Variants in LTBP3 observed in about 807,000 individuals in gnomAD.
LTBP3 encodes the protein latent-transforming growth factor beta-binding protein 3.
Under a neutral mutation model 159.7 loss-of-function variants are expected in LTBP3, and 97 were observed. That is an observed-to-expected ratio of 0.61 (90% confidence interval 0.52 to 0.72). The LOEUF (loss-of-function observed/expected upper bound fraction) is 0.72. LTBP3 is among the 30% of genes least tolerant of loss of function. LTBP3 has a pLI of 0.00. For synonymous variants in LTBP3, 824 were observed against 777.1 expected (o/e 1.06, Z -1.00); for missense variants, 1,584 against 1,864.3 (o/e 0.85, Z 2.77).
chr11:65,543,829 C>T (rs1389939021), intron 16 of LTBP3: 2 of 497,010 alleles, frequency 4.0e-6, no homozygotes, highest in Non-Finnish European at 7.4e-6. Flanking sequence ...ACCCTTCCCT[C>T]ACCTGCCATG....
rs201987018 is a variant in LTBP3 at position 65,553,701 on chromosome 11, C to T, written c.864G>A (p.Pro288=). The change falls in exon 3 of 28, where the codon CCG becomes CCA. Residue 288 remains proline (P), a splice_region_variant and synonymous_variant. Coordinates refer to ENST00000301873, the MANE Select transcript of LTBP3 (RefSeq NM_001130144.3). This position sits in a 1 kb window ranked among gnomAD's most constrained non-coding sequence, Gnocchi z 6.5. ...AGATCCCGACTGTGGATTCACTCAC[C>T]GGCTGCTTGGGCAGAGTGTCCTGAA... ...RCFQDTLPKQ[P]CGSNPLPGLT... 2.5e-6 allele frequency: 4 copies of T among 1,574,856 alleles called. No homozygotes were observed. The highest frequency in any genetic ancestry group is 1.1e-5 in the South Asian group (1 of 87,558).
In LTBP3 at chr11:65,538,992, A is replaced by C. The variant is rs1266448478; in HGVS notation, c.*88T>G. The stretch of plus-strand genomic sequence containing the variant: ...CGGGCCCTGAAGGTCCCTGGGTCCG[A>C]GCCACAAGTCGGGGCAGAAGTGAGG... On this transcript the variant is annotated 3_prime_UTR_variant, in exon 28 of 28. Coordinates refer to ENST00000301873, the MANE Select transcript of LTBP3 (RefSeq NM_001130144.3). 1 of 1,316,824 alleles carries C rather than the reference A, an allele frequency of 7.6e-7. No individual in the cohort carries two copies. The highest frequency in any genetic ancestry group is 9.7e-7 in the Non-Finnish European group (1 of 1,034,194). The allele number at this position is 1,316,824 out of a possible 1,614,324, so 81.6% of individuals were successfully genotyped here.
chr11:65,546,312 A>G lies in LTBP3; in HGVS notation c.2353+130T>C. The G allele has an allele frequency of 8.3e-7, 1 of 1,199,502 alleles. No homozygotes were observed. Among genetic ancestry groups the G allele is most frequent in the Non-Finnish European group, 1.1e-6 (1 of 896,286 alleles). 74.3% of individuals were successfully genotyped at this position (1,199,502 alleles called of 1,614,324 possible). On this transcript the variant is annotated intron_variant, in intron 16 of 27. Coordinates refer to ENST00000301873, the MANE Select transcript of LTBP3 (RefSeq NM_001130144.3). The surrounding 1 kb of genome is among the most constrained non-coding windows in gnomAD (Gnocchi z 4.0). ...TTCCTTGGCAAAGTTCGTTGAGAAA[A>G]TGAGTGAGCAGAGTCACCTGGGGAT...
chr11:65,554,074 C>T lies in LTBP3; in HGVS notation c.638G>A (p.Gly213Asp), dbSNP rs1856718153. 1 of 1,605,804 alleles carries T rather than the reference C, an allele frequency of 6.2e-7. No homozygotes were observed. Among genetic ancestry groups the T allele is most frequent in the South Asian group, 1.1e-5 (1 of 91,076 alleles). Residue 213 changes from glycine to aspartate, a missense_variant, in exon 2 of 28, where the codon GGC becomes GAC. Physicochemically the swap from Gly to Asp is moderately conservative, Grantham distance 94 (BLOSUM62 -1). This residue lies in a region of LTBP3 where 194 missense variants were observed against 198.7 expected (regional missense o/e 0.98). Coordinates refer to ENST00000301873, the MANE Select transcript of LTBP3 (RefSeq NM_001130144.3). The surrounding 1 kb of genome is among the most constrained non-coding windows in gnomAD (Gnocchi z 5.3). ...AQHAAFLVPLGPGQISAEVQA... is the reference protein window; with the variant it reads ...AQHAAFLVPLDPGQISAEVQA... The stretch of plus-strand genomic sequence containing the variant: ...ACCTTCTGCTGAGATCTGTCCCGGG[C>T]CTAGGGGCACCAGGAAGGCTGCGTG...
intron 16 of LTBP3, 64 bp from the exon 17 acceptor site, chr11:65,543,613 C>G: frequency 6.2e-7 from 1 of 1,605,802 alleles, no homozygotes; most frequent in Non-Finnish European, 8.5e-7. Flanking sequence ...CTACTGTTTT[C>G]TCACTTCTGC....
In LTBP3 at chr11:65,554,842, T is replaced by TTCAGGCC. The variant is rs1318002432; in HGVS notation, c.332-469_332-463dup. 1.3e-5 allele frequency among the ~76,000 whole-genome samples: 2 copies of TTCAGGCC among 151,522 alleles called. No individual in the cohort carries two copies. The highest frequency in any genetic ancestry group is 1.3e-4 in the Admixed American group (2 of 15,212). On this transcript the variant is annotated intron_variant, in intron 1 of 27. Coordinates refer to ENST00000301873, the MANE Select transcript of LTBP3 (RefSeq NM_001130144.3). The surrounding 1 kb of genome is among the most constrained non-coding windows in gnomAD (Gnocchi z 5.3). ...TCTTCTCCCATAAACCCTTCCCTCC[T>TTCAGGCC]TCAGGCCTCAGTCCTCTCTGCCTGC...
chr11:65,539,693 C>G, intron 25 of LTBP3, 27 bp downstream of exon 25: 1 of 1,568,660 alleles, frequency 6.4e-7, no homozygotes, highest in Non-Finnish European at 8.6e-7. Flanking sequence ...TCCTCGCTCC[C>G]GGCCAACTCC....
At position 65,547,879 on chromosome 11, in the gene LTBP3, C is replaced by A; in HGVS notation, c.1846+41G>T. ...AGGAAGCGTCGTTATCTGGGGTCCC[C>A]CCCCACCCACCTGCATGCCCGCCGC... On this transcript the variant is annotated intron_variant, in intron 12 of 27. Transcript: ENST00000301873. The surrounding 1 kb of genome is among the most constrained non-coding windows in gnomAD (Gnocchi z 4.6). 1 of 1,613,306 alleles carries A rather than the reference C, an allele frequency of 6.2e-7. No homozygotes were observed. Among genetic ancestry groups the A allele is most frequent in the Middle Eastern group, 1.6e-4 (1 of 6,062 alleles).
In LTBP3 at chr11:65,555,834, C is replaced by G. The variant is rs556347068; in HGVS notation, c.332-1454G>C. ...GCAGGAGGGCAGGAGGGCGGGGGTGCTGCTCTCCTGGATGCCAGAAGGGCC... is the reference window on the plus strand; with the variant it reads ...GCAGGAGGGCAGGAGGGCGGGGGTGGTGCTCTCCTGGATGCCAGAAGGGCC... On this transcript the variant is annotated intron_variant, in intron 1 of 27. Coordinates refer to ENST00000301873, the MANE Select transcript of LTBP3 (RefSeq NM_001130144.3). Among the ~76,000 whole-genome samples, 4 of 152,232 alleles carry G rather than the reference C, an allele frequency of 2.6e-5. No homozygotes were observed. The South Asian group carries it at 6.2e-4, about 24-fold the overall frequency.
At position 65,553,229 on chromosome 11, in the gene LTBP3, A is replaced by G. The variant is rs1856675786; in HGVS notation, c.998T>C (p.Val333Ala). 1 of 1,613,948 alleles carries G rather than the reference A, an allele frequency of 6.2e-7. No homozygotes were observed. The highest frequency in any genetic ancestry group is 8.5e-7 in the Non-Finnish European group (1 of 1,179,992). Residue 333 changes from valine to alanine, a missense_variant, in exon 5 of 28, where the codon GTA (valine) becomes GCA (alanine). Val to Ala is a moderately conservative substitution (Grantham distance 64, BLOSUM62 0). Around this residue, in one of 6 missense-constraint regions of LTBP3, gnomAD observed 156 missense variants for 259.7 expected, o/e 0.60. Transcript: ENST00000301873. The surrounding 1 kb of genome is among the most constrained non-coding windows in gnomAD (Gnocchi z 6.5). ...QYTGVQKPGP[V>A]RGEVGADCPQ... is the part of the protein sequence containing the mutation. ...ACAGTCAGCGCCCACTTCCCCACGT[A>G]CAGGCCCTGGCTTCTGCACTCCTGT...
At position 65,554,185 on chromosome 11, in the gene LTBP3, C is replaced by T; in HGVS notation, c.527G>A (p.Gly176Asp). ...TGALPPLAPEGDSVASKHAIY... is the reference protein window; with the variant it reads ...TGALPPLAPEDDSVASKHAIY... ...GGCGTGCTTGCTGGCCACAGAGTCG[C>T]CCTCCGGAGCCAGGGGCGGCAGCGC... Residue 176 changes from glycine to aspartate, a missense_variant, in exon 2 of 28, where the codon GGC (glycine) becomes GAC (aspartate). Physicochemically the swap from Gly to Asp is moderately conservative, Grantham distance 94. Coordinates refer to ENST00000301873, the MANE Select transcript of LTBP3 (RefSeq NM_001130144.3). This position sits in a 1 kb window ranked among gnomAD's most constrained non-coding sequence, Gnocchi z 5.3. 6.2e-7 allele frequency: 1 copy of T among 1,611,652 alleles called. No homozygotes were observed. Among genetic ancestry groups the T allele is most frequent in the Non-Finnish European group, 8.5e-7 (1 of 1,179,546 alleles).
rs1298073872 is a variant in LTBP3 at position 65,557,897 on chromosome 11, C to T, written c.63G>A (p.Ala21=). The T allele has an allele frequency of 4.7e-6, 6 of 1,275,424 alleles. No individual in the cohort carries two copies. The East Asian group carries it at 1.2e-4, about 25-fold the overall frequency. The allele number at this position is 1,275,424 out of a possible 1,614,324, so 79.0% of individuals were successfully genotyped here. ...LAPEMRGAGA[A]GLLALLLLLL... is the part of the protein sequence containing the mutation. ...GCAGCAGCAGCAGCGCCAGCAGCCC[C>T]GCCGCCCCCGCCCCGCGCATCTCAG... The change falls in exon 1 of 28, where the codon GCG becomes GCA. Residue 21 remains alanine (A), a synonymous_variant. Coordinates refer to ENST00000301873, the MANE Select transcript of LTBP3 (RefSeq NM_001130144.3).
chr11:65,543,446 C>T lies in LTBP3; in HGVS notation c.2457G>A (p.Arg819=), dbSNP rs747527734. ...CCTCACCCTCGCAGTGGCTCCGGTC[C>T]CTGGACAGATGGTAGCCAGAGAGGC... ...CQCLSGYHLS[R]DRSHCEDIDE... Residue 819 remains arginine (R), a synonymous_variant, in exon 17 of 28, where the codon AGG becomes AGA. Coordinates refer to ENST00000301873, the MANE Select transcript of LTBP3 (RefSeq NM_001130144.3). The T allele has an allele frequency of 2.5e-6, 4 of 1,613,972 alleles. No individual in the cohort carries two copies. The African/African-American group carries it at 5.3e-5, about 22-fold the overall frequency.
Position 65,540,042 on chromosome 11 carries a change from C to T in LTBP3, c.3356G>A (p.Arg1119His). ...CGGGCTCTCGGGGAGCTGGCAATCG[C>T]GGCCGGAGGGCCCGGGCACCCAGGG... ...RPPWVPGPSG[R>H]DCQLPESPAE... The change falls in exon 24 of 28, where the codon CGC (arginine) becomes CAC (histidine). Residue 1119 changes from arginine to histidine, a missense_variant. Coordinates refer to ENST00000301873, the MANE Select transcript of LTBP3 (RefSeq NM_001130144.3). The T allele has an allele frequency of 4.6e-6, 7 of 1,516,642 alleles. No individual in the cohort carries two copies. The highest frequency in any genetic ancestry group is 6.2e-6 in the Non-Finnish European group (7 of 1,138,036). The allele number at this position is 1,516,642 out of a possible 1,614,324, so 93.9% of individuals were successfully genotyped here. A position where few individuals can be genotyped will look rare whatever the true frequency, so the allele number is the denominator to read the frequency against.
In LTBP3 at chr11:65,546,648, G is replaced by C; in HGVS notation, c.2231-84C>G. 6.3e-7 allele frequency: 1 copy of C among 1,583,512 alleles called. No homozygotes were observed. The highest frequency in any genetic ancestry group is 8.5e-7 in the Non-Finnish European group (1 of 1,172,522). ...CGCGGGGGTGTGGGTCTCTTCCCTGGAACGCGGGGTTGAGAGGGCAGCCTC... is the reference window on the plus strand; with the variant it reads ...CGCGGGGGTGTGGGTCTCTTCCCTGCAACGCGGGGTTGAGAGGGCAGCCTC... On this transcript the variant is annotated intron_variant, in intron 15 of 27. Coordinates refer to ENST00000301873, the MANE Select transcript of LTBP3 (RefSeq NM_001130144.3). This position sits in a 1 kb window ranked among gnomAD's most constrained non-coding sequence, Gnocchi z 4.0.
At position 65,553,644 on chromosome 11, in the gene LTBP3, T is replaced by TG. The variant is rs1267126382; in HGVS notation, c.864+56dup. ...TCAGTTTTCTGCTATCCGAGTGAGTTGGGGCAGAGCAACCCTGAGAGAAGG... is the reference window on the plus strand; with the variant it reads ...TCAGTTTTCTGCTATCCGAGTGAGTTGGGGGCAGAGCAACCCTGAGAGAAGG... On this transcript the variant is annotated intron_variant, in intron 3 of 27. Coordinates refer to ENST00000301873, the MANE Select transcript of LTBP3 (RefSeq NM_001130144.3). This position sits in a 1 kb window ranked among gnomAD's most constrained non-coding sequence, Gnocchi z 6.5. 5.9e-6 allele frequency: 9 copies of TG among 1,534,806 alleles called. No individual in the cohort carries two copies. The highest frequency in any genetic ancestry group is 7.0e-6 in the Non-Finnish European group (8 of 1,138,096).
In LTBP3 at chr11:65,546,368, G is replaced by A; in HGVS notation, c.2353+74C>T. On this transcript the variant is annotated intron_variant, in intron 16 of 27. Transcript: ENST00000301873. The surrounding 1 kb of genome is among the most constrained non-coding windows in gnomAD (Gnocchi z 4.0). ...AGCCACCTTCCACCCACTGTTTACA[G>A]ACAGCGTGACCCGCTCCCCGGCTTC... 1 of 1,462,116 alleles carries A rather than the reference G, an allele frequency of 6.8e-7. No homozygotes were observed. Among genetic ancestry groups the A allele is most frequent in the Non-Finnish European group, 9.0e-7 (1 of 1,109,426 alleles). 90.6% of individuals were successfully genotyped at this position (1,462,116 alleles called of 1,614,324 possible). A position where few individuals can be genotyped will look rare whatever the true frequency, so the allele number is the denominator to read the frequency against.
intron 25 of LTBP3, 42 bp from the exon 26 acceptor site, chr11:65,539,670 G>T (rs781038627): frequency 6.3e-7 from 1 of 1,585,714 alleles, no homozygotes; most frequent in South Asian, 1.1e-5. Flanking sequence ...GGGTCCCCGG[G>T]CCCTGGCCCC....
chr11:65,553,868 G>A lies in LTBP3; in HGVS notation c.697C>T (p.His233Tyr), dbSNP rs1382370427. 1.3e-6 allele frequency: 2 copies of A among 1,558,644 alleles called. No individual in the cohort carries two copies. The highest frequency in any genetic ancestry group is 2.3e-5 in the South Asian group (2 of 86,552). The change falls in exon 3 of 28, where the codon CAT becomes TAT. Residue 233 changes from histidine (H) to tyrosine (Y), a missense_variant. This residue lies in a region of LTBP3 where 194 missense variants were observed against 198.7 expected (regional missense o/e 0.98). Transcript: ENST00000301873. The surrounding 1 kb of genome is among the most constrained non-coding windows in gnomAD (Gnocchi z 6.5). ...TGGACTGAGGCCTCGGGCGGGTGAT[G>A]GACGCGCACATTCACCACGGGGGGC... ...APPPVVNVRV[H>Y]HPPEASVQVH...
Sources: gnomAD v4.1 joint callset for allele counts (sites outside exome capture counted in the v4.1 genomes callset) on GRCh38, gnomAD v4.1.1 for gene constraint, gnomAD v4.1.1 regional missense constraint, Gnocchi (gnomAD v3.1) non-coding constraint, MANE v1.5 for transcripts, NCBI Gene and HGNC (gene_info 2026-07-23, HGNC 2026-07-21) for gene names.